ATP11A: variants seen among roughly 807,000 people sequenced by gnomAD.
ATP11A encodes phospholipid-transporting ATPase IH.
ATP11A carries 81 observed loss-of-function variants against 154.4 expected under a neutral mutation model. That is an observed-to-expected ratio of 0.52 (90% CI 0.44 to 0.63). The LOEUF (loss-of-function observed/expected upper bound fraction) is 0.63. Ranked by LOEUF, ATP11A falls within the 30% of genes least tolerant of loss-of-function variation. The pLI, the probability that ATP11A is intolerant of heterozygous loss-of-function variation, is 0.00. For synonymous variants in ATP11A, 623 were observed against 585.9 expected (o/e 1.06, Z -0.91); for missense variants, 1,316 against 1,474.3 (o/e 0.89, Z 1.76).
chr13:112,731,091 C>T (rs771133810), intron 1 of ATP11A, among the ~76,000 whole-genome samples: 1 of 152,040 alleles, frequency 6.6e-6, no homozygotes, highest in Non-Finnish European at 1.5e-5. Context: ...GCCCACACCA[C>T]GCCCAGATAA....
At chr13:112,839,392 C>T (rs2079330972) in intron 16 of ATP11A, among the ~76,000 whole-genome samples, 1 of 152,078 alleles carries the variant, frequency 6.6e-6, no homozygotes, top group African/African-American at 2.4e-5. Context: ...CCTTGATGCC[C>T]TTTTTCCAGC....
In ATP11A at chr13:112,884,915, C is replaced by T. The variant is rs186835596; in HGVS notation, c.*3049C>T. On this transcript the variant is annotated 3_prime_UTR_variant, in exon 30 of 30. Transcript: ENST00000375645. ...ACACGCACAGTGGGCCTGCTGCATGCGTGTTACCTGGCTTTTGGCTCCACG... is the reference window on the plus strand; with the variant it reads ...ACACGCACAGTGGGCCTGCTGCATGTGTGTTACCTGGCTTTTGGCTCCACG... 2 of 152,556 alleles carry T rather than the reference C, an allele frequency of 1.3e-5. No individual in the cohort carries two copies. Among genetic ancestry groups the T allele is most frequent in the East Asian group, 3.9e-4 (2 of 5,178 alleles). 9.5% of individuals were successfully genotyped at this position (152,556 alleles called of 1,614,324 possible).
intron 1 of ATP11A, among the ~76,000 whole-genome samples, chr13:112,782,194 C>G (rs956950901): frequency 3.3e-5 from 5 of 152,206 alleles, no homozygotes; most frequent in Admixed American, 2.0e-4. Flanking sequence ...TGGGCTTCAT[C>G]CATTCATCCT....
intron 6 of ATP11A, among the ~76,000 whole-genome samples, chr13:112,817,557 C>T (rs1219022940): frequency 6.6e-6 from 1 of 152,160 alleles, no homozygotes; most frequent in African/African-American, 2.4e-5. Flanking sequence ...AAGGTTCCAT[C>T]CACCCAGAGA....
At position 112,758,830 on chromosome 13, in the gene ATP11A, C is replaced by G. The variant is rs117246771; in HGVS notation, c.40-26305C>G. Among the ~76,000 whole-genome samples the G allele has an allele frequency of 3.7e-3, 566 of 152,288 alleles. 7 individuals are homozygous for G. Among genetic ancestry groups the G allele is most frequent in the East Asian group, 0.03 (154 of 5,188 alleles). ...CAATTTTCCTGCACAGTTACATTAT[C>G]TCAGAACGGTTCATTACCGTGGGGT... On this transcript the variant is annotated intron_variant, in intron 1 of 29. Transcript: ENST00000375645.
chr13:112,725,251 T>C (rs1019757593), intron 1 of ATP11A, among the ~76,000 whole-genome samples: 1 of 152,112 alleles, frequency 6.6e-6, no homozygotes, highest in Admixed American at 6.5e-5. Flanking sequence ...CATGATACGA[T>C]GTGGACCTCC....
chr13:112,836,218 A>G lies in ATP11A; in HGVS notation c.1672A>G (p.Arg558Gly). 1 of 1,612,492 alleles carries G rather than the reference A, an allele frequency of 6.2e-7. No homozygotes were observed. The highest frequency in any genetic ancestry group is 2.2e-5 in the East Asian group (1 of 44,854). ...LEILSFDSVR[R>G]RMSVIVKSAT... ...AATTTTGAGTTTTGACTCAGTCAGA[A>G]GGAGAATGAGTGTAATTGTAAAATC... Residue 558 changes from arginine to glycine, a missense_variant, in exon 16 of 30, where the codon AGG becomes GGG. Arg to Gly is a moderately radical substitution (Grantham distance 125). Coordinates refer to ENST00000375645, the MANE Select transcript of ATP11A (RefSeq NM_015205.3).
chr13:112,774,699 C>A (rs117243514), intron 1 of ATP11A, among the ~76,000 whole-genome samples: 3 of 152,222 alleles, frequency 2.0e-5, no homozygotes, highest in African/African-American at 7.2e-5. Context: ...ATGCACAGCC[C>A]GGACTGCATG....
intron 1 of ATP11A, among the ~76,000 whole-genome samples, chr13:112,759,637 CTT>C (rs111341735): frequency 1.8e-4 from 27 of 152,282 alleles, no homozygotes; most frequent in African/African-American, 6.5e-4. Context: ...GATTGGTACT[CTT>C]TATCATCTGC....
chr13:112,718,060 G>C (rs1888691403), intron 1 of ATP11A, among the ~76,000 whole-genome samples: 1 of 152,210 alleles, frequency 6.6e-6, no homozygotes, highest in African/African-American at 2.4e-5. Flanking sequence ...TGAGTGACAA[G>C]AGGGAAACTC....
At chr13:112,768,294 C>A (rs1018955696) in intron 1 of ATP11A, among the ~76,000 whole-genome samples, 1 of 152,228 alleles carries the variant, frequency 6.6e-6, no homozygotes, top group Non-Finnish European at 1.5e-5. Flanking sequence ...CTGCCTTCTG[C>A]GGCGTCTTCC....
chr13:112,690,271 G>T lies in ATP11A; in HGVS notation c.-146G>T, dbSNP rs1884986416. 1 of 357,468 alleles carries T rather than the reference G, an allele frequency of 2.8e-6. No homozygotes were observed. The highest frequency in any genetic ancestry group is 6.2e-5 in the Admixed American group (1 of 16,214). 22.1% of individuals were successfully genotyped at this position (357,468 alleles called of 1,614,324 possible). On this transcript the variant is annotated 5_prime_UTR_variant, in exon 1 of 30. Coordinates refer to ENST00000375645, the MANE Select transcript of ATP11A (RefSeq NM_015205.3). This position sits in a 1 kb window ranked among gnomAD's most constrained non-coding sequence, Gnocchi z 5.6. ...GCCGGGCCGGGCATGAGCGCGGAGG[G>T]GCCGCGGCCGCCCCCTGCACCGCCC...
At chr13:112,759,415 C>T (rs2076915844) in intron 1 of ATP11A, among the ~76,000 whole-genome samples, 3 of 152,218 alleles carry the variant, frequency 2.0e-5, no homozygotes, top group African/African-American at 4.8e-5. Context: ...GCTCCCAAGA[C>T]CCTGCTCTGA....
chr13:112,852,682 G>T (rs575666748), intron 18 of ATP11A, among the ~76,000 whole-genome samples: 1 of 151,880 alleles, frequency 6.6e-6, no homozygotes, highest in Non-Finnish European at 1.5e-5. Flanking sequence ...GGAGCGTGGG[G>T]ATGCCTCCGG....
chr13:112,822,313 C>A (rs74598757), intron 8 of ATP11A, among the ~76,000 whole-genome samples: 1 of 152,154 alleles, frequency 6.6e-6, no homozygotes, highest in Non-Finnish European at 1.5e-5. Context: ...AGAATATAAG[C>A]CCCTGATGGC....
intron 12 of ATP11A, among the ~76,000 whole-genome samples, chr13:112,829,950 A>C (rs1396871773): frequency 6.6e-6 from 1 of 152,040 alleles, no homozygotes; most frequent in Non-Finnish European, 1.5e-5. Context: ...TAATAGTAAC[A>C]AAGCAAACAA....
chr13:112,833,094 A>AT, intron 14 of ATP11A, 71 bp downstream of exon 14: 4 of 1,552,106 alleles, frequency 2.6e-6, no homozygotes, highest in Non-Finnish European at 3.5e-6. Context: ...CCAGTCAGGG[A>AT]TTTGCACCTA....
chr13:112,836,105 A>C, intron 15 of ATP11A, 73 bp from the exon 16 acceptor site: 2 of 1,101,814 alleles, frequency 1.8e-6, no homozygotes, highest in Non-Finnish European at 2.7e-6. Context: ...TGCTGTGGAG[A>C]GCTCCACAGT....
intron 15 of ATP11A, among the ~76,000 whole-genome samples, chr13:112,835,835 T>C (rs756175983): frequency 2.6e-5 from 4 of 152,266 alleles, no homozygotes; most frequent in Non-Finnish European, 5.9e-5. Flanking sequence ...GACACAACTT[T>C]GAGTCTCTGT....
Sources: gnomAD v4.1 joint callset for allele counts (sites outside exome capture counted in the v4.1 genomes callset) on GRCh38, gnomAD v4.1.1 for gene constraint, Gnocchi (gnomAD v3.1) non-coding constraint, MANE v1.5 for transcripts, NCBI Gene and HGNC (gene_info 2026-07-23, HGNC 2026-07-21) for gene names.